DDX19B: variants seen among roughly 807,000 people sequenced by gnomAD.
DDX19B encodes ATP-dependent RNA helicase DDX19B.
DDX19B carries 27 observed loss-of-function variants against 58.1 expected under a neutral mutation model. The ratio of observed to expected loss-of-function variants is 0.46; its 90% CI spans 0.34 to 0.64. The LOEUF (loss-of-function observed/expected upper bound fraction) is 0.64, where lower values mean the gene tolerates loss of function less well. Ranked by LOEUF, DDX19B falls within the 30% of genes least tolerant of loss-of-function variation. The pLI, the probability that DDX19B is intolerant of heterozygous loss-of-function variation, is 0.01. For missense variants in DDX19B, 399 were observed against 596.5 expected, an observed-to-expected ratio of 0.67 and a Z score of 3.45; for synonymous variants, 187 against 214.4, an observed-to-expected ratio of 0.87 and a Z score of 1.12.
chr16:70,308,399 T>A (rs1961888580), intron 1 of DDX19B, among the ~76,000 whole-genome samples: 1 of 147,112 alleles, frequency 6.8e-6, no homozygotes, highest in South Asian at 2.1e-4. Flanking sequence ...ACCTGGCTAA[T>A]TTTTTTTATA....
At chr16:70,300,197 C>A (rs779788073) in intron 1 of DDX19B, among the ~76,000 whole-genome samples, 19 of 149,946 alleles carry the variant, frequency 1.3e-4, no homozygotes, top group Non-Finnish European at 2.4e-4. Flanking sequence ...TTTTTCCTCC[C>A]CAGAGGCAAC....
In DDX19B at chr16:70,316,011, G is replaced by A; in HGVS notation, c.203G>A (p.Ser68Asn). The A allele has an allele frequency of 6.2e-7, 1 of 1,614,054 alleles. No homozygotes were observed. The highest frequency in any genetic ancestry group is 8.5e-7 in the Non-Finnish European group (1 of 1,180,024). The stretch of plus-strand genomic sequence containing the variant: ...TCCTTACTCAACAAGCTGATCAGAA[G>A]CAACCTTGTTGATAACACAAACCAA... ...AQSLLNKLIRSNLVDNTNQVE... is the reference protein window; with the variant it reads ...AQSLLNKLIRNNLVDNTNQVE... The change falls in exon 4 of 12, where the codon AGC becomes AAC. Residue 68 changes from serine (S) to asparagine (N), a missense_variant. Physicochemically the swap from Ser to Asn is conservative, Grantham distance 46 (BLOSUM62 1). This residue lies in a region of DDX19B where 132 missense variants were observed against 159.4 expected (regional missense o/e 0.83). Coordinates refer to ENST00000288071, the MANE Select transcript of DDX19B (RefSeq NM_007242.7).
chr16:70,316,376 C>A (rs954650861), intron 4 of DDX19B, among the ~76,000 whole-genome samples: 7 of 152,002 alleles, frequency 4.6e-5, no homozygotes, highest in Admixed American at 2.6e-4. Context: ...CGCCTGGCTA[C>A]TTTTTGTATT....
At chr16:70,312,309 A>G (rs1018312424) in intron 1 of DDX19B, among the ~76,000 whole-genome samples, 7 of 152,226 alleles carry the variant, frequency 4.6e-5, no homozygotes, top group Non-Finnish European at 8.8e-5. Flanking sequence ...ATGATATTCT[A>G]CAAAGAGAGA....
intron 4 of DDX19B, chr16:70,317,288 C>G (rs966658968): frequency 2.9e-6 from 1 of 339,556 alleles, no homozygotes; most frequent in South Asian, 5.9e-5. Flanking sequence ...GGCTGAGGCA[C>G]GAGAATTGCT....
At chr16:70,299,132 G>T, upstream of DDX19B, 3 of 1,358,538 alleles carry the variant, frequency 2.2e-6, no homozygotes, top group Non-Finnish European at 2.8e-6. Flanking sequence ...GTGGGCAAAG[G>T]GTGGCCAAAC....
At position 70,331,480 on chromosome 16, in the gene DDX19B, T is replaced by A. The variant is rs549107772; in HGVS notation, c.1024-242T>A. Among the ~76,000 whole-genome samples, 315 of 151,956 alleles carry A rather than the reference T, an allele frequency of 2.1e-3. 2 individuals carry two copies. The highest frequency in any genetic ancestry group is 7.9e-3 in the South Asian group (38 of 4,814). On this transcript the variant is annotated intron_variant, in intron 9 of 11. Coordinates refer to ENST00000288071, the MANE Select transcript of DDX19B (RefSeq NM_007242.7). ...ACTAAAATTCTATTTGAAAGAAAAA[T>A]TTTTTTTTGAGATGGGTTCTTGCCA...
At chr16:70,304,229 C>T (rs1315944169) in intron 1 of DDX19B, among the ~76,000 whole-genome samples, 1 of 151,468 alleles carries the variant, frequency 6.6e-6, no homozygotes. Context: ...TTAGTAGAGA[C>T]AGGGTTTCAC....
At chr16:70,312,741 T>G in intron 2 of DDX19B, 84 bp downstream of exon 2, 1 of 1,178,522 alleles carries the variant, frequency 8.5e-7, no homozygotes, top group South Asian at 1.3e-5. Flanking sequence ...TGGAAAAAAA[T>G]TTGTATTTGT....
intron 10 of DDX19B, among the ~76,000 whole-genome samples, chr16:70,332,748 G>A (rs563439215): frequency 5.3e-5 from 8 of 152,072 alleles, no homozygotes; most frequent in Non-Finnish European, 1.0e-4. Context: ...CCCCTGACCC[G>A]TGCTAGTTTG....
upstream of DDX19B, chr16:70,289,803 T>C (rs1482113417): frequency 1.0e-5 from 4 of 395,636 alleles, no homozygotes; most frequent in African/African-American, 2.5e-5. Context: ...TTGGTTTCCA[T>C]AGGCAAAGTC....
upstream of DDX19B, among the ~76,000 whole-genome samples, chr16:70,290,478 G>A (rs902393266): frequency 3.3e-5 from 5 of 152,060 alleles, no homozygotes; most frequent in Non-Finnish European, 5.9e-5. Flanking sequence ...GGTGAGCCGA[G>A]ATGGCGCCAC....
intron 11 of DDX19B, among the ~76,000 whole-genome samples, 169 bp downstream of exon 11, chr16:70,333,328 C>T (rs917815809): frequency 1.3e-5 from 2 of 152,066 alleles, no homozygotes; most frequent in Admixed American, 6.6e-5. Flanking sequence ...CTTCAGGACC[C>T]AGGGACTCCA....
chr16:70,310,295 C>T (rs770438001), intron 1 of DDX19B, among the ~76,000 whole-genome samples: 2 of 150,430 alleles, frequency 1.3e-5, no homozygotes, highest in Non-Finnish European at 1.5e-5. Context: ...GCAGGAGAAT[C>T]GTTTGAACCC....
intron 1 of DDX19B, among the ~76,000 whole-genome samples, chr16:70,310,631 T>A (rs1050690165): frequency 6.6e-6 from 1 of 152,164 alleles, no homozygotes; most frequent in African/African-American, 2.4e-5. Context: ...TATTTTATGA[T>A]TAGGGTTGGC....
At chr16:70,292,375 G>T (rs1178760382), upstream of DDX19B, among the ~76,000 whole-genome samples, 1 of 152,038 alleles carries the variant, frequency 6.6e-6, no homozygotes, top group African/African-American at 2.4e-5. Context: ...TTGAACTCCC[G>T]ACCTCAGGTG....
At chr16:70,308,813 G>GT (rs532007793) in intron 1 of DDX19B, among the ~76,000 whole-genome samples, 10,841 of 145,042 alleles carry the variant, frequency 0.075, 1,268 homozygotes, top group African/African-American at 0.25. Flanking sequence ...GTGCCCAGCT[G>GT]TTTTTTTTTT....
At chr16:70,329,135 A>AT (rs1342240032) in intron 7 of DDX19B, among the ~76,000 whole-genome samples, 157 bp from the exon 8 acceptor site, 2 of 150,732 alleles carry the variant, frequency 1.3e-5, no homozygotes, top group African/African-American at 4.9e-5. Context: ...AGGCAGGAGA[A>AT]TCGCTTGAAC....
chr16:70,333,728 C>T lies in DDX19B; in HGVS notation c.*146C>T, dbSNP rs1963602959. The stretch of plus-strand genomic sequence containing the variant: ...TACCTCACTTCAAATTATGTTTGGA[C>T]TTGACAAAAATGTATGCAAATGATG... On this transcript the variant is annotated 3_prime_UTR_variant, in exon 12 of 12. Transcript: ENST00000288071. 1 of 1,280,544 alleles carries T rather than the reference C, an allele frequency of 7.8e-7. No homozygotes were observed. The highest frequency in any genetic ancestry group is 1.1e-6 in the Non-Finnish European group (1 of 906,582). 79.3% of individuals were successfully genotyped at this position (1,280,544 alleles called of 1,614,324 possible).
Sources: gnomAD v4.1 joint callset for allele counts (sites outside exome capture counted in the v4.1 genomes callset) on GRCh38, gnomAD v4.1.1 for gene constraint, gnomAD v4.1.1 regional missense constraint, MANE v1.5 for transcripts, NCBI Gene and HGNC (gene_info 2026-07-23, HGNC 2026-07-21) for gene names.